COPG1: variants seen among roughly 807,000 people sequenced by gnomAD.
The protein encoded by COPG1 is coat protein complex I subunit gamma 1, also known as coatomer subunit gamma-1.
In COPG1, 29 loss-of-function variants were observed where a neutral mutation model predicts 102.8. That is an observed-to-expected ratio of 0.28 (90% CI 0.21 to 0.38). The LOEUF is 0.38. COPG1 is among the 10% of genes least tolerant of loss of function. The pLI, the probability that COPG1 is intolerant of heterozygous loss-of-function variation, is 1.00. For missense variants in COPG1, 875 were observed against 1,132.7 expected (o/e 0.77, Z 3.27); for synonymous variants, 406 against 421.6 (o/e 0.96, Z 0.45).
At position 129,268,939 on chromosome 3, in the gene COPG1, C is replaced by T. The variant is rs751633315; in HGVS notation, c.1782C>T (p.Thr594=). ...APMAEQRTES[T]PITAVKQPEK... is the part of the protein sequence containing the mutation. ...TATAATTTGCTCCTGCAGAAAGTACCCCCATCACAGCAGTCAAACAGCCTG... is the reference window on the plus strand; with the variant it reads ...TATAATTTGCTCCTGCAGAAAGTACTCCCATCACAGCAGTCAAACAGCCTG... Residue 594 remains threonine, a synonymous_variant, in exon 18 of 24, where the codon ACC becomes ACT. Transcript: ENST00000314797. The T allele has an allele frequency of 6.2e-7, 1 of 1,614,098 alleles. No homozygotes were observed. The highest frequency in any genetic ancestry group is 8.5e-7 in the Non-Finnish European group (1 of 1,179,982).
intron 20 of COPG1, 92 bp downstream of exon 20, chr3:129,272,507 T>G (rs1261465194): frequency 1.9e-6 from 2 of 1,032,914 alleles, no homozygotes; most frequent in African/African-American, 3.2e-5. Flanking sequence ...TTGCCTTCTA[T>G]TAGAGCTTCA....
chr3:129,249,979 C>A (rs1576957724), intron 1 of COPG1, among the ~76,000 whole-genome samples: 1 of 152,004 alleles, frequency 6.6e-6, no homozygotes, highest in Non-Finnish European at 1.5e-5. Flanking sequence ...AAACACCCCC[C>A]CCCCCAGGCC....
chr3:129,274,716 C>T, intron 21 of COPG1, 122 bp from the exon 22 acceptor site: 3 of 1,145,954 alleles, frequency 2.6e-6, no homozygotes, highest in African/African-American at 1.6e-5. Flanking sequence ...GAGTCTAGCA[C>T]AGTCCTCAGT....
chr3:129,265,894 T>G, intron 14 of COPG1, 102 bp downstream of exon 14: 3 of 1,161,614 alleles, frequency 2.6e-6, no homozygotes, highest in Non-Finnish European at 3.7e-6. Flanking sequence ...GCACTCAGTG[T>G]TCTTGCTGCA....
chr3:129,265,315 T>C (rs4927938), intron 13 of COPG1, among the ~76,000 whole-genome samples: 34,250 of 150,908 alleles, frequency 0.23, 6,507 homozygotes, highest in African/African-American at 0.52. Context: ...TGATTTCGAA[T>C]TCCTGAGCTC....
At chr3:129,254,000 C>CAAAAA (rs58354730) in intron 5 of COPG1, among the ~76,000 whole-genome samples, 1 of 74,032 alleles carries the variant, frequency 1.4e-5, no homozygotes, top group African/African-American at 4.6e-5. Flanking sequence ...GACTGCGTCT[C>CAAAAA]AAAAAAAAAA....
In COPG1 at chr3:129,265,575, C is replaced by G. The variant is rs767475494; in HGVS notation, c.1251C>G (p.Ile417Met). ...EEGGFEYKRA[I>M]VDCIISIIEE... Reference sequence around the variant, plus strand: ...GTGGCTTTGAGTATAAGCGCGCTATCGTGGACTGCATCATCAGCATCATTG... The same window carrying G: ...GTGGCTTTGAGTATAAGCGCGCTATGGTGGACTGCATCATCAGCATCATTG... Residue 417 changes from isoleucine (I) to methionine (M), a missense_variant, in exon 14 of 24, where the codon ATC becomes ATG. Physicochemically the swap from Ile to Met is conservative, Grantham distance 10 (BLOSUM62 1). Coordinates refer to ENST00000314797, the MANE Select transcript of COPG1 (RefSeq NM_016128.4). 3 of 1,614,154 alleles carry G rather than the reference C, an allele frequency of 1.9e-6. No individual in the cohort carries two copies. The highest frequency in any genetic ancestry group is 1.3e-5 in the African/African-American group (1 of 75,030).
At position 129,271,364 on chromosome 3, in the gene COPG1, G is replaced by A. The variant is rs1197089498; in HGVS notation, c.1844-403G>A. Among the ~76,000 whole-genome samples the A allele has an allele frequency of 6.6e-6, 1 of 152,178 alleles. No homozygotes were observed. Among genetic ancestry groups the A allele is most frequent in the African/African-American group, 2.4e-5 (1 of 41,424 alleles). On this transcript the variant is annotated intron_variant, in intron 18 of 23. Coordinates refer to ENST00000314797, the MANE Select transcript of COPG1 (RefSeq NM_016128.4). This position sits in a 1 kb window ranked among gnomAD's most constrained non-coding sequence, Gnocchi z 4.7. ...CCAGTTTGTTATTTTGTCTGATTTT[G>A]TAGCTATAGCAGTATCGATCTTATT...
chr3:129,274,482 G>A (rs1940231663), intron 21 of COPG1, among the ~76,000 whole-genome samples: 1 of 152,180 alleles, frequency 6.6e-6, no homozygotes, highest in African/African-American at 2.4e-5. Flanking sequence ...GGAGGGACAG[G>A]CATAGGAAGC....
intron 21 of COPG1, among the ~76,000 whole-genome samples, chr3:129,274,525 T>C (rs1241300529): frequency 6.6e-6 from 1 of 152,228 alleles, no homozygotes; most frequent in African/African-American, 2.4e-5. Flanking sequence ...ATTCCCTGCA[T>C]GCCAGGTCCT....
intron 15 of COPG1, 92 bp from the exon 16 acceptor site, chr3:129,267,845 C>T (rs1196125813): frequency 1.1e-6 from 1 of 943,316 alleles, no homozygotes. Flanking sequence ...TACTTGTTAT[C>T]CCTATGGACT....
intron 10 of COPG1, among the ~76,000 whole-genome samples, chr3:129,259,105 G>A (rs1358828213): frequency 6.6e-6 from 1 of 152,074 alleles, no homozygotes; most frequent in African/African-American, 2.4e-5. Context: ...GTGTAAACTT[G>A]GTCAGGCAAA....
chr3:129,268,564 C>T lies in COPG1; in HGVS notation c.1718C>T (p.Pro573Leu). Residue 573 changes from proline (P) to leucine (L), a missense_variant, in exon 17 of 24, where the codon CCT becomes CTT. Transcript: ENST00000314797. ...TACACTCTAGAACCATCAGAAAAACCTTTTGACCTCAAGTCTGTGCCCCTG... is the reference window on the plus strand; with the variant it reads ...TACACTCTAGAACCATCAGAAAAACTTTTTGACCTCAAGTCTGTGCCCCTG... Reference protein sequence around the residue: ...QQYTLEPSEKPFDLKSVPLAT... With the variant: ...QQYTLEPSEKLFDLKSVPLAT... The T allele has an allele frequency of 2.5e-6, 4 of 1,614,188 alleles. No homozygotes were observed. Among genetic ancestry groups the T allele is most frequent in the Non-Finnish European group, 3.4e-6 (4 of 1,180,032 alleles).
At chr3:129,263,562 T>C (rs995761528) in intron 12 of COPG1, among the ~76,000 whole-genome samples, 3 of 152,064 alleles carry the variant, frequency 2.0e-5, no homozygotes, top group African/African-American at 7.2e-5. Flanking sequence ...CCAGAGGAGA[T>C]GATGGGTGGG....
rs778550950 is a variant in COPG1, at chr3:129,257,696, C to T, written c.738-31C>T. 2.3e-5 allele frequency: 37 copies of T among 1,613,030 alleles called. 1 individual carries two copies. Among genetic ancestry groups the T allele is most frequent in the African/African-American group, 1.6e-4 (12 of 74,924 alleles). On this transcript the variant is annotated intron_variant, in intron 9 of 23. Coordinates refer to ENST00000314797, the MANE Select transcript of COPG1 (RefSeq NM_016128.4). ...TCCTACCATGCTGGGCCACCCCCAACGTTTTCTTGCCACCCTATGTTCTTT... is the reference window on the plus strand; with the variant it reads ...TCCTACCATGCTGGGCCACCCCCAATGTTTTCTTGCCACCCTATGTTCTTT...
chr3:129,268,587 C>T lies in COPG1; in HGVS notation c.1741C>T (p.Leu581=), dbSNP rs762455808. The part of the protein sequence containing the change: ...EKPFDLKSVP[L]ATAPMAEQRT... ...ACCTTTTGACCTCAAGTCTGTGCCCCTGGCCACGGCGCCCATGGCAGAGCA... is the reference window on the plus strand; with the variant it reads ...ACCTTTTGACCTCAAGTCTGTGCCCTTGGCCACGGCGCCCATGGCAGAGCA... Residue 581 remains leucine, a synonymous_variant, in exon 17 of 24, where the codon CTG becomes TTG. Coordinates refer to ENST00000314797, the MANE Select transcript of COPG1 (RefSeq NM_016128.4). 6.2e-7 allele frequency: 1 copy of T among 1,614,100 alleles called. No homozygotes were observed. The highest frequency in any genetic ancestry group is 8.5e-7 in the Non-Finnish European group (1 of 1,180,044).
At chr3:129,265,082 A>G (rs1290373607) in intron 13 of COPG1, among the ~76,000 whole-genome samples, 1 of 151,560 alleles carries the variant, frequency 6.6e-6, no homozygotes, top group African/African-American at 2.4e-5. Flanking sequence ...TGGCCTCCCA[A>G]AGTGCTGGGA....
At chr3:129,272,091 G>A (rs981672398) in intron 19 of COPG1, 153 bp from the exon 20 acceptor site, 53 of 987,296 alleles carry the variant, frequency 5.4e-5, no homozygotes, top group Admixed American at 1.0e-4. Context: ...CATGGCTCCC[G>A]ATTGTCAGCA....
At chr3:129,276,621 GC>G (rs1184844360) in intron 23 of COPG1, among the ~76,000 whole-genome samples, 1 of 152,150 alleles carries the variant, frequency 6.6e-6, no homozygotes, top group African/African-American at 2.4e-5. Flanking sequence ...GCAGACACCT[GC>G]CCTGTGGTTT....
Sources: allele counts gnomAD v4.1 joint callset (sites outside exome capture counted in the v4.1 genomes callset), GRCh38; gene constraint gnomAD v4.1.1; non-coding constraint Gnocchi (gnomAD v3.1); transcripts MANE v1.5; gene names NCBI Gene and HGNC (gene_info 2026-07-23, HGNC 2026-07-21).